The following CTNNA3 variants were observed in gnomAD, a reference collection of about 807,000 sequenced individuals.
CTNNA3 encodes the protein catenin alpha 3.
Under a neutral mutation model 95.7 loss-of-function variants are expected in CTNNA3, and 76 were observed. The observed-to-expected ratio is 0.79, with a 90% CI of 0.66 to 0.96. The LOEUF (loss-of-function observed/expected upper bound fraction) is 0.96, where lower values mean the gene tolerates loss of function less well. Ranked by LOEUF, CTNNA3 falls within the 40% of genes least tolerant of loss-of-function variation. CTNNA3 has a pLI of 0.00. For synonymous variants in CTNNA3, 431 were observed against 374.4 expected (o/e 1.15, Z -1.74); for missense variants, 1,191 against 1,089.8 (o/e 1.09, Z -1.31).
chr10:67,421,346 A>G (rs1008884391), intron 5 of CTNNA3, among the ~76,000 whole-genome samples: 4 of 152,222 alleles, frequency 2.6e-5, no homozygotes, highest in Admixed American at 2.6e-4. Context: ...ATAACTCACA[A>G]AGTTAATTTC....
intron 5 of CTNNA3, among the ~76,000 whole-genome samples, chr10:67,371,671 T>C (rs1843471946): frequency 6.6e-6 from 1 of 152,216 alleles, no homozygotes; most frequent in Admixed American, 6.5e-5. Context: ...CTATTGTGAA[T>C]AGTGCTGCAA....
intron 5 of CTNNA3, among the ~76,000 whole-genome samples, chr10:67,244,424 AAT>A (rs1199835104): frequency 6.6e-6 from 1 of 152,238 alleles, no homozygotes; most frequent in Non-Finnish European, 1.5e-5. Context: ...TATGTTAACC[AAT>A]AACTAGATTC....
intron 13 of CTNNA3, among the ~76,000 whole-genome samples, chr10:66,132,763 C>G (rs1431768054): frequency 6.6e-6 from 1 of 152,064 alleles, no homozygotes; most frequent in African/African-American, 2.4e-5. Context: ...ATGAATGGAG[C>G]TGGAGGACAC....
chr10:67,251,015 A>AT (rs1325507500), intron 5 of CTNNA3, among the ~76,000 whole-genome samples: 1 of 152,238 alleles, frequency 6.6e-6, no homozygotes, highest in Admixed American at 6.5e-5. Flanking sequence ...ATATGTCCAC[A>AT]TAAAAACTTG....
In CTNNA3 at chr10:67,180,397, A is replaced by T. The variant is rs113836576; in HGVS notation, c.967T>A (p.Leu323Ile). Residue 323 changes from leucine (L) to isoleucine (I), a missense_variant, in exon 7 of 18, where the codon TTA (leucine) becomes ATA (isoleucine). Transcript: ENST00000433211. ...TCTGCGATAATCCGCTCTCGGTGTA[A>T]GTCCCTCGTACATGAAGAATCCGCC... Reference protein sequence around the residue: ...LLADSSCTRDLHRERIIAECN... With the variant: ...LLADSSCTRDIHRERIIAECN... 32 of 1,613,636 alleles carry T rather than the reference A, an allele frequency of 2.0e-5. No homozygotes were observed. The highest frequency in any genetic ancestry group is 1.3e-4 in the African/African-American group (10 of 74,870).
At chr10:65,976,480 A>C (rs1186572754) in intron 16 of CTNNA3, among the ~76,000 whole-genome samples, 1 of 152,198 alleles carries the variant, frequency 6.6e-6, no homozygotes, top group Non-Finnish European at 1.5e-5. Context: ...AAATGAGTAG[A>C]AAGTGTGAAA....
chr10:66,078,497 G>A (rs1293014396), intron 14 of CTNNA3, among the ~76,000 whole-genome samples: 1 of 151,748 alleles, frequency 6.6e-6, no homozygotes, highest in Admixed American at 6.6e-5. Flanking sequence ...AACAATAATG[G>A]TCTTTGTTCA....
At chr10:67,238,548 T>C (rs1187490715) in intron 5 of CTNNA3, among the ~76,000 whole-genome samples, 1 of 152,172 alleles carries the variant, frequency 6.6e-6, no homozygotes. Flanking sequence ...CATCATACCT[T>C]AAGATAACAA....
intron 10 of CTNNA3, among the ~76,000 whole-genome samples, chr10:66,547,665 T>C (rs1291084192): frequency 2.6e-5 from 4 of 151,918 alleles, no homozygotes; most frequent in Non-Finnish European, 5.9e-5. Flanking sequence ...TGAAACTTCT[T>C]ATTAATTTGT....
chr10:66,652,716 T>G (rs1845953015), intron 9 of CTNNA3, among the ~76,000 whole-genome samples: 1 of 152,122 alleles, frequency 6.6e-6, no homozygotes, highest in Non-Finnish European at 1.5e-5. Flanking sequence ...ATATTCCTGG[T>G]GAACATAGAT....
intron 11 of CTNNA3, among the ~76,000 whole-genome samples, chr10:66,434,984 TG>T (rs2093326781): frequency 1.3e-5 from 2 of 152,154 alleles, no homozygotes; most frequent in South Asian, 4.2e-4. Context: ...CCTTGCATCC[TG>T]GGGTGAAGCT....
chr10:65,925,557 TC>T (rs941752668), intron 17 of CTNNA3, among the ~76,000 whole-genome samples: 3 of 152,016 alleles, frequency 2.0e-5, no homozygotes, highest in Non-Finnish European at 4.4e-5. Context: ...ATGCCTCAGC[TC>T]CCCAAGTAGC....
chr10:66,551,574 G>T (rs1818270602), intron 10 of CTNNA3, among the ~76,000 whole-genome samples: 2 of 151,918 alleles, frequency 1.3e-5, no homozygotes, highest in Admixed American at 1.3e-4. Flanking sequence ...TTCTTGTATT[G>T]TTACATTAGT....
intron 7 of CTNNA3, among the ~76,000 whole-genome samples, chr10:66,889,867 T>A (rs1464734516): frequency 6.6e-6 from 1 of 150,842 alleles, no homozygotes; most frequent in Non-Finnish European, 1.5e-5. Context: ...ATTGGCTCAC[T>A]GCAGCCCCTG....
At chr10:67,436,725 C>T (rs1248872441) in intron 5 of CTNNA3, among the ~76,000 whole-genome samples, 1 of 152,096 alleles carries the variant, frequency 6.6e-6, no homozygotes, top group Non-Finnish European at 1.5e-5. Flanking sequence ...TGAAAAAATG[C>T]TCAACATAAC....
intron 11 of CTNNA3, among the ~76,000 whole-genome samples, chr10:66,448,543 T>C (rs554334674): frequency 2.6e-5 from 4 of 152,208 alleles, no homozygotes; most frequent in African/African-American, 9.6e-5. Context: ...TGGATGAAAC[T>C]GGAAACCATC....
chr10:67,047,091 A>G (rs1854801305), intron 7 of CTNNA3, among the ~76,000 whole-genome samples: 1 of 152,144 alleles, frequency 6.6e-6, no homozygotes, highest in Non-Finnish European at 1.5e-5. Context: ...ATGAGTTTAG[A>G]CAGAGGACAA....
chr10:67,341,722 T>C (rs929571198), intron 5 of CTNNA3, among the ~76,000 whole-genome samples: 8 of 152,318 alleles, frequency 5.3e-5, no homozygotes, highest in East Asian at 1.9e-4. Flanking sequence ...AGCAATGGGA[T>C]TGCTGCATCA....
chr10:67,342,463 T>C (rs1842245940), intron 5 of CTNNA3, among the ~76,000 whole-genome samples: 2 of 152,120 alleles, frequency 1.3e-5, no homozygotes, highest in African/African-American at 4.8e-5. Context: ...ATTTGTCCTG[T>C]TTTGTTTTAG....
Sources: gnomAD v4.1 joint callset for allele counts (sites outside exome capture counted in the v4.1 genomes callset) on GRCh38, gnomAD v4.1.1 for gene constraint, MANE v1.5 for transcripts, NCBI Gene and HGNC (gene_info 2026-07-23, HGNC 2026-07-21) for gene names.